DOCK2: variants seen among roughly 807,000 people sequenced by gnomAD.
DOCK2 encodes dedicator of cytokinesis protein 2.
A neutral mutation model predicts 248.9 loss-of-function variants in DOCK2; 87 were observed. That is an observed-to-expected ratio of 0.35 (90% CI 0.29 to 0.42). The LOEUF is 0.42. DOCK2 is among the 10% of genes least tolerant of loss of function. The pLI, the probability that DOCK2 is intolerant of heterozygous loss-of-function variation, is 1.00. For synonymous variants in DOCK2, 805 were observed against 821.6 expected, an observed-to-expected ratio of 0.98 and a Z score of 0.35; for missense variants, 1,747 against 2,300.2, an observed-to-expected ratio of 0.76 and a Z score of 4.92.
At chr5:169,669,931 A>G (rs1758949073) in intron 3 of DOCK2, among the ~76,000 whole-genome samples, 1 of 152,216 alleles carries the variant, frequency 6.6e-6, no homozygotes, top group Non-Finnish European at 1.5e-5. Flanking sequence ...TGTATGGAGT[A>G]AGGAAATAAT....
At chr5:170,057,833 ATT>A (rs200335646) in intron 44 of DOCK2, among the ~76,000 whole-genome samples, 167 bp downstream of exon 44, 28 of 146,900 alleles carry the variant, frequency 1.9e-4, no homozygotes, top group African/African-American at 2.2e-4. Context: ...TGCCTTTCAG[ATT>A]TTTTTTTTTT....
intron 1 of DOCK2, among the ~76,000 whole-genome samples, chr5:169,638,070 C>T (rs1488563690): frequency 6.6e-6 from 1 of 152,172 alleles, no homozygotes; most frequent in Non-Finnish European, 1.5e-5. Flanking sequence ...TCAGGTGCTG[C>T]TACTCTAAGT....
At chr5:169,735,366 G>A (rs533855561) in intron 22 of DOCK2, among the ~76,000 whole-genome samples, 2 of 152,206 alleles carry the variant, frequency 1.3e-5, no homozygotes, top group East Asian at 3.9e-4. Flanking sequence ...CTGCTGTGGG[G>A]CCTGTGCACT....
At chr5:169,977,336 G>C (rs979748147) in intron 27 of DOCK2, among the ~76,000 whole-genome samples, 1 of 152,210 alleles carries the variant, frequency 6.6e-6, no homozygotes, top group African/African-American at 2.4e-5. Context: ...GGTAGGCGGA[G>C]TCATCATTTC....
chr5:169,767,041 C>G (rs1193730793), intron 25 of DOCK2, among the ~76,000 whole-genome samples: 1 of 152,236 alleles, frequency 6.6e-6, no homozygotes, highest in Non-Finnish European at 1.5e-5. Flanking sequence ...TGGGCATGGG[C>G]CACTGCGCTT....
At chr5:169,843,150 A>G (rs1309835159) in intron 27 of DOCK2, among the ~76,000 whole-genome samples, 1 of 152,204 alleles carries the variant, frequency 6.6e-6, no homozygotes, top group Admixed American at 6.5e-5. Flanking sequence ...ACTGTCTTAC[A>G]TGCAGGCTTA....
intron 27 of DOCK2, among the ~76,000 whole-genome samples, chr5:169,953,107 A>G (rs1776729516): frequency 6.6e-6 from 1 of 152,102 alleles, no homozygotes; most frequent in Non-Finnish European, 1.5e-5. Context: ...GCGGATCACA[A>G]GGTCAGGAGT....
intron 16 of DOCK2, 38 bp downstream of exon 16, chr5:169,712,045 C>A: frequency 6.2e-7 from 1 of 1,612,476 alleles, no homozygotes; most frequent in South Asian, 1.1e-5. Context: ...GCACCTCCCC[C>A]TAAGGGGAGA....
intron 26 of DOCK2, among the ~76,000 whole-genome samples, chr5:169,827,917 ACT>A (rs1768974609): frequency 1.3e-5 from 2 of 151,954 alleles, no homozygotes; most frequent in African/African-American, 2.4e-5. Flanking sequence ...CGAGGCACAC[ACT>A]CTGTTGGCGG....
intron 26 of DOCK2, among the ~76,000 whole-genome samples, chr5:169,839,316 GAATT>G (rs1769794651): frequency 6.6e-6 from 1 of 152,154 alleles, no homozygotes; most frequent in Admixed American, 6.5e-5. Flanking sequence ...AGTTCTTCCA[GAATT>G]GCACATGTCA....
At chr5:169,866,232 T>G (rs1292007367) in intron 27 of DOCK2, among the ~76,000 whole-genome samples, 1 of 152,212 alleles carries the variant, frequency 6.6e-6, no homozygotes, top group Non-Finnish European at 1.5e-5. Flanking sequence ...TCTCTTTCTG[T>G]TCTCTCTGGC....
intron 25 of DOCK2, among the ~76,000 whole-genome samples, chr5:169,795,885 G>T (rs902665900): frequency 1.3e-5 from 2 of 152,132 alleles, no homozygotes; most frequent in East Asian, 3.9e-4. Context: ...AGCATCCCCC[G>T]CCCCTTCCCC....
At chr5:169,671,333 A>C (rs1025142585) in intron 5 of DOCK2, among the ~76,000 whole-genome samples, 159 bp downstream of exon 5, 2 of 152,194 alleles carry the variant, frequency 1.3e-5, no homozygotes, top group African/African-American at 4.8e-5. Context: ...CCCAGAGAGG[A>C]TCAGGGACTT....
chr5:170,045,971 A>AG, intron 39 of DOCK2, 66 bp downstream of exon 39: 4 of 1,505,854 alleles, frequency 2.7e-6, no homozygotes, highest in Non-Finnish European at 2.8e-6. Context: ...AGCTCACCCC[A>AG]GATCCTGGGG....
At position 169,940,279 on chromosome 5, in the gene DOCK2, A is replaced by G. The variant is rs1172676729; in HGVS notation, c.2800-42789A>G. 2.6e-5 allele frequency among the ~76,000 whole-genome samples: 4 copies of G among 152,170 alleles called. No homozygotes were observed. The East Asian group carries it at 5.8e-4, about 22-fold the overall frequency. On this transcript the variant is annotated intron_variant, in intron 27 of 51. Coordinates refer to ENST00000520908, the MANE Select transcript of DOCK2 (RefSeq NM_004946.3). Reference sequence around the variant, plus strand: ...TGCCAGACTCTGATCACTCTCAACCAGGGGCAATTTTGTCTCTCAGCAGAC... The same window carrying G: ...TGCCAGACTCTGATCACTCTCAACCGGGGGCAATTTTGTCTCTCAGCAGAC...
intron 26 of DOCK2, among the ~76,000 whole-genome samples, 172 bp downstream of exon 26, chr5:169,803,378 T>C (rs1767120083): frequency 6.6e-6 from 1 of 152,184 alleles, no homozygotes; most frequent in Admixed American, 6.5e-5. Context: ...GAAGGATGGC[T>C]AGGGGACTGG....
chr5:169,815,067 T>G (rs975180497), intron 26 of DOCK2, among the ~76,000 whole-genome samples: 6 of 152,206 alleles, frequency 3.9e-5, no homozygotes, highest in African/African-American at 1.2e-4. Context: ...GAGCCTGTCC[T>G]GTTCTCAGGG....
intron 6 of DOCK2, among the ~76,000 whole-genome samples, chr5:169,679,093 G>A (rs1296784163): frequency 2.0e-5 from 3 of 152,188 alleles, no homozygotes; most frequent in East Asian, 1.9e-4. Flanking sequence ...GCTGGCATAT[G>A]CAGTGGTGCA....
intron 30 of DOCK2, among the ~76,000 whole-genome samples, chr5:170,007,357 T>C (rs1292132018): frequency 6.6e-6 from 1 of 152,202 alleles, no homozygotes; most frequent in Non-Finnish European, 1.5e-5. Context: ...TAATTGCCCT[T>C]GAGCACCAAA....
Sources: allele counts gnomAD v4.1 joint callset (sites outside exome capture counted in the v4.1 genomes callset), GRCh38; gene constraint gnomAD v4.1.1; transcripts MANE v1.5; gene names NCBI Gene and HGNC (gene_info 2026-07-23, HGNC 2026-07-21).